MCM5: variants seen among roughly 807,000 people sequenced by gnomAD.
MCM5 encodes DNA replication licensing factor MCM5.
Under a neutral mutation model 79.9 loss-of-function variants are expected in MCM5, and 46 were observed. The ratio of observed to expected loss-of-function variants is 0.58; its 90% confidence interval spans 0.45 to 0.74. The LOEUF (loss-of-function observed/expected upper bound fraction) is 0.74, where lower values mean the gene tolerates loss of function less well. Ranked by LOEUF, MCM5 falls within the 30% of genes least tolerant of loss-of-function variation. MCM5 has a pLI of 0.00. For missense variants in MCM5, 883 were observed against 1,017.0 expected (o/e 0.87, Z 1.79); for synonymous variants, 404 against 390.5 (o/e 1.03, Z -0.41).
At chr22:35,405,352 A>G (rs1453711913) in intron 4 of MCM5, among the ~76,000 whole-genome samples, 2 of 151,422 alleles carry the variant, frequency 1.3e-5, no homozygotes, top group Non-Finnish European at 2.9e-5. Context: ...CTATTTCTCC[A>G]TGTATCTCTA....
At chr22:35,406,776 G>GA in intron 5 of MCM5, 51 bp downstream of exon 5, 1 of 1,576,948 alleles carries the variant, frequency 6.3e-7, no homozygotes, top group Non-Finnish European at 8.6e-7. Flanking sequence ...GTGAAGATCA[G>GA]AAAGGATGAG....
Position 35,424,160 on chromosome 22 carries a change from C to G in MCM5, c.2110C>G (p.Pro704Ala), listed in dbSNP as rs560173736. The G allele has an allele frequency of 3.9e-6, 6 of 1,549,964 alleles. No homozygotes were observed. Among genetic ancestry groups the G allele is most frequent in the East Asian group, 2.4e-5 (1 of 40,952 alleles). ...IIKDFTKQKY[P>A]EHAIHKVLQL... The stretch of plus-strand genomic sequence containing the variant: ...CAGCCATGTGCTCCCACAGAAATAC[C>G]CGGAGCACGCCATCCACAAGGTGCT... The change falls in exon 17 of 17, where the codon CCG becomes GCG. Residue 704 changes from proline to alanine, a missense_variant. This residue lies in a region of MCM5 where 426 missense variants were observed against 482.3 expected (regional missense o/e 0.88). Coordinates refer to ENST00000216122, the MANE Select transcript of MCM5 (RefSeq NM_006739.4).
chr22:35,443,627 T>G, the MCM5 span, among the ~76,000 whole-genome samples: 1 of 152,210 alleles, frequency 6.6e-6, no homozygotes, highest in Non-Finnish European at 1.5e-5. Flanking sequence ...CCTGGACTTC[T>G]CCCTCACCTT....
chr22:35,452,808 A>G, the MCM5 span, among the ~76,000 whole-genome samples: 2 of 151,746 alleles, frequency 1.3e-5, no homozygotes, highest in African/African-American at 4.8e-5. Flanking sequence ...CTTGTACAGC[A>G]CTCTACGTGC....
At chr22:35,445,490 A>G in the MCM5 span, among the ~76,000 whole-genome samples, 118,505 of 149,552 alleles carry the variant, frequency 0.79, 47,507 homozygotes, top group African/African-American at 0.88. Flanking sequence ...CACCACACCC[A>G]GCTAATTTTT....
chr22:35,447,373 G>A, the MCM5 span, among the ~76,000 whole-genome samples: 3 of 152,192 alleles, frequency 2.0e-5, no homozygotes, highest in East Asian at 1.9e-4. Flanking sequence ...AGCGATGCCC[G>A]AGATTGTATC....
At chr22:35,420,973 A>T (rs1232494337) in intron 14 of MCM5, among the ~76,000 whole-genome samples, 1 of 151,932 alleles carries the variant, frequency 6.6e-6, no homozygotes, top group African/African-American at 2.4e-5. Context: ...TACAAAAAAT[A>T]AAAAATTAGC....
chr22:35,436,971 C>G, the MCM5 span, among the ~76,000 whole-genome samples: 7 of 152,316 alleles, frequency 4.6e-5, no homozygotes, highest in East Asian at 9.7e-4. Context: ...CTCAGCCTCG[C>G]GTCACTAGGG....
chr22:35,421,558 GT>G (rs1932696557), intron 15 of MCM5, 98 bp downstream of exon 15: 1 of 1,543,954 alleles, frequency 6.5e-7, no homozygotes, highest in East Asian at 2.2e-5. Flanking sequence ...TGCAGTGTGT[GT>G]CTTGCTTCTC....
intron 2 of MCM5, chr22:35,401,352 A>G: frequency 2.1e-6 from 1 of 467,934 alleles, no homozygotes; most frequent in Non-Finnish European, 4.5e-6. Context: ...CACTTCGCTC[A>G]TTCATTTATT....
At position 35,413,883 on chromosome 22, in the gene MCM5, A is replaced by G. The variant is rs1298964426; in HGVS notation, c.1100A>G (p.Asp367Gly). Residue 367 changes from aspartate (D) to glycine (G), a missense_variant, in exon 9 of 17, where the codon GAT becomes GGT. Around this residue, in one of 3 missense-constraint regions of MCM5, gnomAD observed 455 missense variants for 517.5 expected, o/e 0.88. Transcript: ENST00000216122. ...LFGGSRKRLP[D>G]GLTRRGDINL... ...TACCCTTCGTCCCCCAGGCTCCCTG[A>G]TGGACTTACTCGCCGAGGAGACATC... is the stretch of plus-strand genomic sequence containing the variant. The G allele has an allele frequency of 6.2e-7, 1 of 1,607,130 alleles. No homozygotes were observed. Among genetic ancestry groups the G allele is most frequent in the Non-Finnish European group, 8.5e-7 (1 of 1,173,776 alleles).
intron 2 of MCM5, chr22:35,401,686 T>C: frequency 2.1e-6 from 1 of 471,168 alleles, no homozygotes; most frequent in Non-Finnish European, 4.4e-6. Context: ...TGCCCACCTG[T>C]GTGCCAGGCA....
At chr22:35,416,283 G>C (rs1349674772) in intron 10 of MCM5, 56 bp from the exon 11 acceptor site, 4 of 1,526,312 alleles carry the variant, frequency 2.6e-6, no homozygotes, top group East Asian at 2.3e-5. Flanking sequence ...TGTTTCTACT[G>C]CTCCCTGCTC....
rs1932016075 is a variant in MCM5, at chr22:35,400,620, G to A, written c.167+15G>A. 6.3e-7 allele frequency: 1 copy of A among 1,584,648 alleles called. No individual in the cohort carries two copies. Among genetic ancestry groups the A allele is most frequent in the Non-Finnish European group, 8.6e-7 (1 of 1,164,672 alleles). On this transcript the variant is annotated intron_variant, in intron 2 of 16. Coordinates refer to ENST00000216122, the MANE Select transcript of MCM5 (RefSeq NM_006739.4). Reference sequence around the variant, plus strand: ...TTCAAATACAGGTGCGGCTCCTGCGGGGCCGGGGGCTCGAGTTCCAGTGTG... The same window carrying A: ...TTCAAATACAGGTGCGGCTCCTGCGAGGCCGGGGGCTCGAGTTCCAGTGTG...
At chr22:35,447,903 A>G in the MCM5 span, among the ~76,000 whole-genome samples, 1 of 152,116 alleles carries the variant, frequency 6.6e-6, no homozygotes, top group Admixed American at 6.6e-5. Context: ...GTCTTCACAG[A>G]TCCTGCCTCC....
chr22:35,415,402 C>A (rs1400281197), intron 9 of MCM5, among the ~76,000 whole-genome samples: 1 of 152,182 alleles, frequency 6.6e-6, no homozygotes, highest in Non-Finnish European at 1.5e-5. Context: ...ATTTCAGGGG[C>A]TCTATGGCAG....
chr22:35,448,247 G>C, the MCM5 span, among the ~76,000 whole-genome samples: 1 of 152,206 alleles, frequency 6.6e-6, no homozygotes, highest in East Asian at 1.9e-4. Context: ...ATCGAACGAA[G>C]AGAGCTATGT....
the MCM5 span, among the ~76,000 whole-genome samples, chr22:35,440,259 G>A: frequency 4.6e-5 from 7 of 152,352 alleles, no homozygotes; most frequent in East Asian, 1.2e-3. Flanking sequence ...AGAAGCCTGC[G>A]TCAGATCAGT....
intron 2 of MCM5, chr22:35,401,919 A>G (rs1932066529): frequency 5.6e-6 from 2 of 355,998 alleles, no homozygotes; most frequent in African/African-American, 4.3e-5. Context: ...GGTAGGAGCA[A>G]TTGCTTGTGT....
Sources: gnomAD v4.1 joint callset for allele counts (sites outside exome capture counted in the v4.1 genomes callset) on GRCh38, gnomAD v4.1.1 for gene constraint, gnomAD v4.1.1 regional missense constraint, MANE v1.5 for transcripts, NCBI Gene and HGNC (gene_info 2026-07-23, HGNC 2026-07-21) for gene names.